The following LRMDA variants were observed in gnomAD, a reference collection of about 807,000 sequenced individuals.
LRMDA encodes the protein leucine-rich melanocyte differentiation-associated protein.
Under a neutral mutation model 29.8 loss-of-function variants are expected in LRMDA, and 18 were observed. The observed-to-expected ratio is 0.60, with a 90% CI of 0.42 to 0.90. The LOEUF (loss-of-function observed/expected upper bound fraction) is 0.90, where lower values mean the gene tolerates loss of function less well. Ranked by LOEUF, LRMDA falls within the 40% of genes least tolerant of loss-of-function variation. LRMDA has a pLI of 0.00. For synonymous variants in LRMDA, 125 were observed against 109.4 expected (o/e 1.14, Z -0.89); for missense variants, 273 against 273.9 (o/e 1.00, Z 0.02).
intron 2 of LRMDA, among the ~76,000 whole-genome samples, chr10:75,612,393 C>G (rs547354849): frequency 2.6e-5 from 4 of 152,134 alleles, no homozygotes; most frequent in Admixed American, 1.3e-4. Context: ...AAAAATATAG[C>G]CAGATCCCAA....
chr10:75,471,893 A>T (rs1844731225), intron 2 of LRMDA, among the ~76,000 whole-genome samples: 1 of 152,040 alleles, frequency 6.6e-6, no homozygotes. Flanking sequence ...TGTGTCAGGG[A>T]AGGCTCATAG....
intron 5 of LRMDA, among the ~76,000 whole-genome samples, chr10:76,242,974 G>A (rs1319406385): frequency 6.6e-6 from 1 of 152,162 alleles, no homozygotes; most frequent in Non-Finnish European, 1.5e-5. Flanking sequence ...ACCCAGAGCA[G>A]ACACTTGAAT....
chr10:76,264,452 A>C (rs1157414325), intron 5 of LRMDA, among the ~76,000 whole-genome samples: 3 of 131,838 alleles, frequency 2.3e-5, no homozygotes, highest in South Asian at 2.5e-4. Context: ...AAAAAAAAAA[A>C]AAAAACACGG....
At chr10:75,970,093 C>CAATA (rs1411627088) in intron 2 of LRMDA, among the ~76,000 whole-genome samples, 1 of 152,140 alleles carries the variant, frequency 6.6e-6, no homozygotes, top group Non-Finnish European at 1.5e-5. Flanking sequence ...TTGAGGTGTC[C>CAATA]AATAGGTAGC....
chr10:76,356,247 T>C (rs1841238348), intron 6 of LRMDA, among the ~76,000 whole-genome samples: 1 of 152,172 alleles, frequency 6.6e-6, no homozygotes, highest in African/African-American at 2.4e-5. Context: ...ATCCAGATAA[T>C]TTTAAAATAA....
chr10:75,921,228 G>GC (rs1267706651), intron 2 of LRMDA, among the ~76,000 whole-genome samples: 1 of 152,114 alleles, frequency 6.6e-6, no homozygotes, highest in Admixed American at 6.5e-5. Flanking sequence ...ATTTGTTGAG[G>GC]CCCTACTTTG....
chr10:75,457,224 C>T (rs148465691), intron 2 of LRMDA, among the ~76,000 whole-genome samples: 34 of 152,346 alleles, frequency 2.2e-4, no homozygotes, highest in African/African-American at 7.7e-4. Context: ...ACAAAGTCGA[C>T]TGTTAGCTCC....
intron 6 of LRMDA, among the ~76,000 whole-genome samples, chr10:76,439,255 T>G (rs918168753): frequency 1.1e-3 from 160 of 152,144 alleles, no homozygotes; most frequent in Non-Finnish European, 2.0e-3. Flanking sequence ...CCAAAGAGAA[T>G]TTTTTTAAAT....
chr10:76,340,870 GA>G (rs1841033428), intron 6 of LRMDA, among the ~76,000 whole-genome samples: 1 of 152,116 alleles, frequency 6.6e-6, no homozygotes, highest in African/African-American at 2.4e-5. Context: ...TTCTGTTAAG[GA>G]GCAGATAATA....
intron 2 of LRMDA, among the ~76,000 whole-genome samples, chr10:75,498,873 C>G (rs901898852): frequency 6.6e-6 from 1 of 152,086 alleles, no homozygotes; most frequent in Non-Finnish European, 1.5e-5. Context: ...CACGAATCCT[C>G]TCCGTCTCAG....
intron 5 of LRMDA, among the ~76,000 whole-genome samples, chr10:76,119,784 C>G (rs1054426526): frequency 1.3e-5 from 2 of 152,082 alleles, no homozygotes; most frequent in African/African-American, 4.8e-5. Context: ...AATGCATGTC[C>G]CAGTTTGGTA....
intron 5 of LRMDA, among the ~76,000 whole-genome samples, chr10:76,261,580 G>C (rs974881222): frequency 6.6e-6 from 1 of 152,152 alleles, no homozygotes; most frequent in African/African-American, 2.4e-5. Context: ...TTGTGCTTAG[G>C]TCATAGTATC....
intron 2 of LRMDA, among the ~76,000 whole-genome samples, chr10:75,830,140 C>CG (rs1286356224): frequency 6.6e-6 from 1 of 152,138 alleles, no homozygotes; most frequent in East Asian, 1.9e-4. Context: ...CCACCTTAAA[C>CG]GTCCATTTCC....
intron 5 of LRMDA, among the ~76,000 whole-genome samples, chr10:76,315,450 C>G (rs572489730): frequency 3.9e-5 from 6 of 152,340 alleles, no homozygotes; most frequent in East Asian, 3.9e-4. Flanking sequence ...CGGGCCTCTC[C>G]CTGCTCCCGG....
chr10:76,540,046 C>CT (rs1843335653), intron 6 of LRMDA, among the ~76,000 whole-genome samples: 1 of 151,828 alleles, frequency 6.6e-6, no homozygotes, highest in African/African-American at 2.4e-5. Context: ...GATACACACA[C>CT]GAAGTAGACA....
chr10:76,319,483 A>G (rs1000933484), intron 5 of LRMDA, among the ~76,000 whole-genome samples: 10 of 152,162 alleles, frequency 6.6e-5, no homozygotes, highest in African/African-American at 2.2e-4. Context: ...TGAGGGACAC[A>G]CTATGAGTTG....
chr10:75,482,705 A>T (rs1304783252), intron 2 of LRMDA, among the ~76,000 whole-genome samples: 1 of 152,202 alleles, frequency 6.6e-6, no homozygotes, highest in Non-Finnish European at 1.5e-5. Flanking sequence ...TTCTGGCGAA[A>T]TCAGCCCACT....
intron 5 of LRMDA, among the ~76,000 whole-genome samples, chr10:76,249,376 A>C (rs1260104333): frequency 1.3e-5 from 2 of 152,172 alleles, no homozygotes. Context: ...CTATTAAATT[A>C]AAGAACCAAC....
At chr10:76,246,558 G>A (rs199610572) in intron 5 of LRMDA, among the ~76,000 whole-genome samples, 2 of 34,722 alleles carry the variant, frequency 5.8e-5, no homozygotes, top group East Asian at 2.2e-3. Context: ...AGGGAAAGCC[G>A]TACGAATCCA....
Sources: allele counts gnomAD v4.1 joint callset (sites outside exome capture counted in the v4.1 genomes callset), GRCh38; gene constraint gnomAD v4.1.1; transcripts MANE v1.5; gene names NCBI Gene and HGNC (gene_info 2026-07-23, HGNC 2026-07-21).